Variants in COMMD1 observed in about 807,000 individuals in gnomAD.
COMMD1 encodes the protein COMM domain-containing protein 1.
COMMD1 carries 10 observed loss-of-function variants against 17.2 expected under a neutral mutation model. The observed-to-expected ratio is 0.58, with a 90% CI of 0.36 to 0.99. COMMD1 has a LOEUF of 0.99. Among genes scored for constraint, COMMD1 ranks in the 50% least tolerant of loss-of-function variants. COMMD1 has a pLI of 0.01. For missense variants in COMMD1, 270 were observed against 231.8 expected (o/e 1.17, Z -1.07); for synonymous variants, 97 against 91.6 (o/e 1.06, Z -0.34).
chr2:62,024,326 C>T (rs1015696111), intron 2 of COMMD1, among the ~76,000 whole-genome samples: 9 of 152,146 alleles, frequency 5.9e-5, no homozygotes, highest in Non-Finnish European at 1.2e-4. Flanking sequence ...AAGCAATTCT[C>T]CCACCTCAGC....
At chr2:61,998,382 C>T (rs1668827662) in intron 1 of COMMD1, among the ~76,000 whole-genome samples, 1 of 151,952 alleles carries the variant, frequency 6.6e-6, no homozygotes, top group African/African-American at 2.4e-5. Flanking sequence ...GCCTCAGCCT[C>T]CTGAGTAGTT....
chr2:62,039,075 C>T (rs1467734496), intron 2 of COMMD1, among the ~76,000 whole-genome samples: 1 of 152,152 alleles, frequency 6.6e-6, no homozygotes. Context: ...CAAGAGAAAT[C>T]AAGCTCAGAA....
At chr2:61,955,876 G>A (rs1368278279) in intron 1 of COMMD1, among the ~76,000 whole-genome samples, 3 of 152,066 alleles carry the variant, frequency 2.0e-5, no homozygotes, top group African/African-American at 7.2e-5. Context: ...TAGTAAAGAC[G>A]GGGTTTCACC....
intron 2 of COMMD1, among the ~76,000 whole-genome samples, chr2:62,016,081 C>A (rs1669436612): frequency 6.6e-6 from 1 of 152,178 alleles, no homozygotes; most frequent in Non-Finnish European, 1.5e-5. Context: ...AATCTACCTG[C>A]CTTGGCCTCC....
intron 2 of COMMD1, among the ~76,000 whole-genome samples, chr2:62,127,090 G>A (rs1672905849): frequency 6.6e-6 from 1 of 152,064 alleles, no homozygotes; most frequent in Admixed American, 6.6e-5. Context: ...CAACAGGCAA[G>A]CAGAAAGCCA....
intron 1 of COMMD1, among the ~76,000 whole-genome samples, chr2:61,972,126 C>A (rs966004918): frequency 5.9e-5 from 9 of 151,708 alleles, no homozygotes; most frequent in Non-Finnish European, 8.8e-5. Context: ...TTTAAAAAAA[C>A]AAACAAAAAA....
At chr2:61,907,264 A>G (rs1378158892) in intron 1 of COMMD1, among the ~76,000 whole-genome samples, 1 of 151,980 alleles carries the variant, frequency 6.6e-6, no homozygotes, top group Non-Finnish European at 1.5e-5. Context: ...GCGCCACCAC[A>G]CCCAGCTAAT....
chr2:62,044,198 A>G (rs1357744038), intron 2 of COMMD1, among the ~76,000 whole-genome samples: 2 of 152,164 alleles, frequency 1.3e-5, no homozygotes, highest in Non-Finnish European at 1.5e-5. Flanking sequence ...TTTATAATCA[A>G]TTTGTTTATT....
intron 2 of COMMD1, among the ~76,000 whole-genome samples, chr2:62,110,112 C>A: frequency 6.6e-6 from 1 of 151,880 alleles, no homozygotes; most frequent in East Asian, 1.9e-4. Flanking sequence ...GACAGGGTCT[C>A]TTGCCCAGGC....
chr2:62,061,161 C>G (rs1214418382), intron 2 of COMMD1, among the ~76,000 whole-genome samples: 3 of 152,150 alleles, frequency 2.0e-5, no homozygotes, highest in East Asian at 1.9e-4. Flanking sequence ...CTGTAGCTTT[C>G]TCTTCTAATT....
chr2:61,976,665 C>A lies in COMMD1; in HGVS notation c.181-24036C>A, dbSNP rs535486276. On this transcript the variant is annotated intron_variant, in intron 1 of 2. Transcript: ENST00000311832. ...GAACAGGATCATTAATCAACTAAAT[C>A]TAAGTAACATTTATGTACTACTACA... Among the ~76,000 whole-genome samples the A allele has an allele frequency of 1.2e-4, 18 of 152,186 alleles. 1 individual carries two copies. In the South Asian group the frequency reaches 3.7e-3, roughly 32 times the overall value.
At chr2:61,942,257 C>A (rs985599958) in intron 1 of COMMD1, among the ~76,000 whole-genome samples, 3 of 151,768 alleles carry the variant, frequency 2.0e-5, no homozygotes, top group African/African-American at 7.3e-5. Flanking sequence ...GCATGCGCCA[C>A]CACGGCCAGC....
At chr2:62,099,175 G>T (rs1213041276) in intron 2 of COMMD1, among the ~76,000 whole-genome samples, 1 of 152,206 alleles carries the variant, frequency 6.6e-6, no homozygotes, top group African/African-American at 2.4e-5. Context: ...AGAGGGTCAG[G>T]AGGAGCAGAA....
chr2:62,086,353 CA>C (rs562633867), intron 2 of COMMD1, among the ~76,000 whole-genome samples: 1 of 151,266 alleles, frequency 6.6e-6, no homozygotes, highest in East Asian at 1.9e-4. Context: ...ACTAAAAATA[CA>C]AAAAAAATTA....
intron 1 of COMMD1, among the ~76,000 whole-genome samples, chr2:61,939,626 A>G (rs1019184262): frequency 6.6e-6 from 1 of 152,244 alleles, no homozygotes; most frequent in African/African-American, 2.4e-5. Flanking sequence ...TACTGAACTT[A>G]TGCAAATAAC....
intron 2 of COMMD1, among the ~76,000 whole-genome samples, chr2:62,001,946 T>TC (rs1247808709): frequency 7.2e-5 from 11 of 152,118 alleles, no homozygotes; most frequent in Non-Finnish European, 1.5e-4. Flanking sequence ...GGTGGGCGGA[T>TC]CACCTGAGGT....
At chr2:62,011,058 C>G (rs976435209) in intron 2 of COMMD1, among the ~76,000 whole-genome samples, 114 of 152,276 alleles carry the variant, frequency 7.5e-4, no homozygotes, top group African/African-American at 2.6e-3. Flanking sequence ...TGTATACTTG[C>G]TCTTGCCTCT....
At chr2:62,096,238 G>C (rs560116039) in intron 2 of COMMD1, among the ~76,000 whole-genome samples, 7 of 152,280 alleles carry the variant, frequency 4.6e-5, no homozygotes, top group East Asian at 3.9e-4. Flanking sequence ...AAAATGTTAA[G>C]ATTGACTGTT....
chr2:62,121,946 C>A (rs1054909277), intron 2 of COMMD1, among the ~76,000 whole-genome samples: 5 of 152,084 alleles, frequency 3.3e-5, no homozygotes, highest in African/African-American at 9.7e-5. Context: ...TACCCACCAC[C>A]GTGCCCAGCT....
Sources: gnomAD v4.1 joint callset for allele counts (sites outside exome capture counted in the v4.1 genomes callset) on GRCh38, gnomAD v4.1.1 for gene constraint, MANE v1.5 for transcripts, NCBI Gene and HGNC (gene_info 2026-07-23, HGNC 2026-07-21) for gene names.